The following SIPA1L2 variants were observed in gnomAD, a reference collection of about 807,000 sequenced individuals.
The protein encoded by SIPA1L2 is signal induced proliferation associated 1 like 2, also known as signal-induced proliferation-associated 1-like protein 2.
Under a neutral mutation model 163.9 loss-of-function variants are expected in SIPA1L2, and 56 were observed. That is an observed-to-expected ratio of 0.34 (90% CI 0.28 to 0.43). SIPA1L2 has a LOEUF of 0.43. Among genes scored for constraint, SIPA1L2 ranks in the 20% least tolerant of loss-of-function variants. The pLI, the probability that SIPA1L2 is intolerant of heterozygous loss-of-function variation, is 1.00. For synonymous variants in SIPA1L2, 877 were observed against 865.7 expected, an observed-to-expected ratio of 1.01 and a Z score of -0.23; for missense variants, 1,974 against 2,193.5, an observed-to-expected ratio of 0.90 and a Z score of 2.00.
At chr1:232,495,085 A>C (rs569400657) in intron 3 of SIPA1L2, among the ~76,000 whole-genome samples, 1 of 152,394 alleles carries the variant, frequency 6.6e-6, no homozygotes, top group African/African-American at 2.4e-5. Flanking sequence ...GAAAGAGATC[A>C]GCAAAGGAAA....
At position 232,443,606 on chromosome 1, in the gene SIPA1L2, C is replaced by T. The variant is rs749378253; in HGVS notation, c.3433G>A (p.Asp1145Asn). The stretch of plus-strand genomic sequence containing the variant: ...TAAGATAAAAATGAACAGTACCCGT[C>T]GTAGCCCACTTGTGGTCTCCAGGGT... Reference protein sequence around the residue: ...SGPWRPQVGYDGCQSPLLLEH... With the variant: ...SGPWRPQVGYNGCQSPLLLEH... The change falls in exon 12 of 23, where the codon GAC becomes AAC. Residue 1145 changes from aspartate to asparagine, a missense_variant. Physicochemically the swap from Asp to Asn is conservative, Grantham distance 23. Around this residue, in one of 3 missense-constraint regions of SIPA1L2, gnomAD observed 1,079 missense variants for 1,150.7 expected, o/e 0.94. Coordinates refer to ENST00000674635, the MANE Select transcript of SIPA1L2 (RefSeq NM_020808.5). 1.2e-5 allele frequency: 19 copies of T among 1,601,826 alleles called. No homozygotes were observed. The highest frequency in any genetic ancestry group is 1.7e-5 in the Admixed American group (1 of 57,766).
At chr1:232,418,112 G>C (rs1661364833) in intron 18 of SIPA1L2, among the ~76,000 whole-genome samples, 1 of 152,182 alleles carries the variant, frequency 6.6e-6, no homozygotes, top group Non-Finnish European at 1.5e-5. Context: ...TGGCATTCTT[G>C]AAGGCTAAAA....
chr1:232,479,560 T>C (rs1490956496), intron 7 of SIPA1L2, 67 bp downstream of exon 7: 34 of 1,239,852 alleles, frequency 2.7e-5, no homozygotes, highest in Non-Finnish European at 3.9e-5. Context: ...CATGCATCAA[T>C]ATCATCAGTG....
chr1:232,564,655 G>A (rs1161126580), intron 2 of SIPA1L2, among the ~76,000 whole-genome samples: 4 of 151,982 alleles, frequency 2.6e-5, no homozygotes, highest in Admixed American at 6.6e-5. Context: ...TTAATTTAGC[G>A]TTTACTTTTC....
intron 16 of SIPA1L2, among the ~76,000 whole-genome samples, chr1:232,430,101 A>G (rs1460859566): frequency 6.6e-6 from 1 of 152,232 alleles, no homozygotes; most frequent in Non-Finnish European, 1.5e-5. Context: ...CACCGTGAGT[A>G]GTGAAGTTAA....
At chr1:232,555,700 C>G (rs973054733) in intron 2 of SIPA1L2, among the ~76,000 whole-genome samples, 1 of 152,152 alleles carries the variant, frequency 6.6e-6, no homozygotes, top group Admixed American at 6.5e-5. Context: ...AAAAGATCCA[C>G]GGAGCCTATG....
At chr1:232,523,778 T>A (rs971798256) in intron 2 of SIPA1L2, among the ~76,000 whole-genome samples, 1 of 152,178 alleles carries the variant, frequency 6.6e-6, no homozygotes, top group East Asian at 1.9e-4. Flanking sequence ...TCAACAAAAC[T>A]AACATCAATC....
rs1558238335 is a variant in SIPA1L2 at position 232,515,582 on chromosome 1, C to T, written c.-243G>A. 2.3e-6 allele frequency: 1 copy of T among 435,280 alleles called. No individual in the cohort carries two copies. The highest frequency in any genetic ancestry group is 4.0e-6 in the Non-Finnish European group (1 of 248,138). 27.0% of individuals were successfully genotyped at this position (435,280 alleles called of 1,614,324 possible). A position where few individuals can be genotyped will look rare whatever the true frequency, so the allele number is the denominator to read the frequency against. On this transcript the variant is annotated 5_prime_UTR_variant, in exon 3 of 23. Coordinates refer to ENST00000674635, the MANE Select transcript of SIPA1L2 (RefSeq NM_020808.5). ...TTTTCAAAAGCATTCCTTAAGACATCTGGCTGGTCATGAGTATTTCCTTCA... is the reference window on the plus strand; with the variant it reads ...TTTTCAAAAGCATTCCTTAAGACATTTGGCTGGTCATGAGTATTTCCTTCA...
chr1:232,621,089 G>A (rs553343530), intron 1 of SIPA1L2, among the ~76,000 whole-genome samples: 127 of 152,096 alleles, frequency 8.3e-4, no homozygotes, highest in African/African-American at 2.9e-3. Flanking sequence ...CAAAGACTCG[G>A]GCTAAAAAAA....
intron 2 of SIPA1L2, among the ~76,000 whole-genome samples, chr1:232,563,688 G>A (rs758455162): frequency 6.6e-5 from 10 of 152,074 alleles, no homozygotes; most frequent in Non-Finnish European, 1.2e-4. Flanking sequence ...GCACAGCTAG[G>A]GCTTAGACCG....
In SIPA1L2 at chr1:232,613,596, G is replaced by A. The variant is rs1469880835; in HGVS notation, c.-319+16273C>T. ...TAAACACTTAGAAGAATAGAGCAAGGATTAAAAGCTGTGAACAAAATACAG... is the reference window on the plus strand; with the variant it reads ...TAAACACTTAGAAGAATAGAGCAAGAATTAAAAGCTGTGAACAAAATACAG... On this transcript the variant is annotated intron_variant, in intron 1 of 22. Coordinates refer to ENST00000674635, the MANE Select transcript of SIPA1L2 (RefSeq NM_020808.5). Among the ~76,000 whole-genome samples, 4 of 152,166 alleles carry A rather than the reference G, an allele frequency of 2.6e-5. No homozygotes were observed. The East Asian group carries it at 7.7e-4, about 29-fold the overall frequency.
Position 232,608,047 on chromosome 1 carries a change from C to CAAAAAAAA in SIPA1L2, c.-319+21814_-319+21821dup, listed in dbSNP as rs56208215. On this transcript the variant is annotated intron_variant, in intron 1 of 22. Transcript: ENST00000674635. Reference sequence around the variant, plus strand: ...GGGCAACAAGAGCGAAACTCCATCTCAAAAAAAAAAAAAAAAAAAAAACGA... The same window carrying CAAAAAAAA: ...GGGCAACAAGAGCGAAACTCCATCTCAAAAAAAAAAAAAAAAAAAAAAAAAAAAAACGA... Among the ~76,000 whole-genome samples, 48 of 67,498 alleles carry CAAAAAAAA rather than the reference C, an allele frequency of 7.1e-4. 1 individual carries two copies. Among genetic ancestry groups the CAAAAAAAA allele is most frequent in the African/African-American group, 2.0e-3 (29 of 14,800 alleles). 44.3% of individuals were successfully genotyped at this position (67,498 alleles called of 152,430 possible). A position where few individuals can be genotyped will look rare whatever the true frequency, so the allele number is the denominator to read the frequency against.
intron 19 of SIPA1L2, among the ~76,000 whole-genome samples, chr1:232,410,943 C>G (rs1005272848): frequency 2.6e-5 from 4 of 152,122 alleles, no homozygotes; most frequent in African/African-American, 9.7e-5. Context: ...AGCCAAGTAG[C>G]CTGCCAAGGT....
Position 232,479,597 on chromosome 1 carries a change from G to C in SIPA1L2, c.2085+30C>G, listed in dbSNP as rs535587439. Reference sequence around the variant, plus strand: ...GCCCACCTCAGATTTCATACTCAGCGTAAAAAGCTCCAGGCTGGGGAGGAC... The same window carrying C: ...GCCCACCTCAGATTTCATACTCAGCCTAAAAAGCTCCAGGCTGGGGAGGAC... On this transcript the variant is annotated intron_variant, in intron 7 of 22. Coordinates refer to ENST00000674635, the MANE Select transcript of SIPA1L2 (RefSeq NM_020808.5). 1.0e-5 allele frequency: 16 copies of C among 1,574,718 alleles called. No homozygotes were observed. The South Asian group carries it at 1.8e-4, about 17-fold the overall frequency.
At chr1:232,620,608 G>C (rs573581301) in intron 1 of SIPA1L2, among the ~76,000 whole-genome samples, 27 of 152,266 alleles carry the variant, frequency 1.8e-4, no homozygotes, top group African/African-American at 5.8e-4. Flanking sequence ...ATAACCAGAC[G>C]CACAGCGACA....
In SIPA1L2 at chr1:232,460,452, G is replaced by A. The variant is rs141201696; in HGVS notation, c.3095+435C>T. The stretch of plus-strand genomic sequence containing the variant: ...ACATTCTTTCATACCTACAACTATT[G>A]GTCTGTTAAATATTTTTTAAATAAT... On this transcript the variant is annotated intron_variant, in intron 10 of 22. Coordinates refer to ENST00000674635, the MANE Select transcript of SIPA1L2 (RefSeq NM_020808.5). 2.0e-5 allele frequency among the ~76,000 whole-genome samples: 3 copies of A among 152,074 alleles called. No homozygotes were observed. The East Asian group carries it at 5.8e-4, about 29-fold the overall frequency.
In SIPA1L2 at chr1:232,439,429, CTGTTGCTGGAGG is replaced by C. The variant is rs750487172; in HGVS notation, c.3698_3709del (p.Thr1233_Asn1236del). On this transcript the variant is annotated inframe_deletion, in exon 15 of 23. Coordinates refer to ENST00000674635, the MANE Select transcript of SIPA1L2 (RefSeq NM_020808.5). ...GCCAGACCCAAAGTGCTTGTCGTCA[CTGTTGCTGGAGG>C]TGTTGCTGGAGAGCGTGTTGCTGCT... The C allele has an allele frequency of 3.5e-5, 57 of 1,614,216 alleles. No homozygotes were observed. Among genetic ancestry groups the C allele is most frequent in the Middle Eastern group, 1.6e-4 (1 of 6,062 alleles).
At chr1:232,538,433 C>T (rs1459495154) in intron 2 of SIPA1L2, among the ~76,000 whole-genome samples, 2 of 152,102 alleles carry the variant, frequency 1.3e-5, no homozygotes, top group African/African-American at 2.4e-5. Context: ...CTGGTGCCTC[C>T]GCAATATCTG....
intron 7 of SIPA1L2, among the ~76,000 whole-genome samples, chr1:232,476,234 C>T (rs1665038604): frequency 6.6e-6 from 1 of 152,126 alleles, no homozygotes; most frequent in Non-Finnish European, 1.5e-5. Context: ...ACATCATTAC[C>T]TCTTTGGTGT....
Sources: allele counts gnomAD v4.1 joint callset (sites outside exome capture counted in the v4.1 genomes callset), GRCh38; gene constraint gnomAD v4.1.1; regional missense constraint gnomAD v4.1.1; transcripts MANE v1.5; gene names NCBI Gene and HGNC (gene_info 2026-07-23, HGNC 2026-07-21).